The following CAMK2D variants were observed in gnomAD, a reference collection of about 807,000 sequenced individuals.
The protein encoded by CAMK2D is calcium/calmodulin-dependent protein kinase type II subunit delta.
A neutral mutation model predicts 84.0 loss-of-function variants in CAMK2D; 37 were observed. That is an observed-to-expected ratio of 0.44 (90% CI 0.34 to 0.58). The LOEUF (loss-of-function observed/expected upper bound fraction) is 0.58, where lower values mean the gene tolerates loss of function less well. Among genes scored for constraint, CAMK2D ranks in the 20% least tolerant of loss-of-function variants. The probability of loss-of-function intolerance (pLI) is 0.02; values close to 1 mark genes in which losing one functional copy is unlikely to be tolerated. For synonymous variants in CAMK2D, 202 were observed against 212.5 expected (o/e 0.95, Z 0.43); for missense variants, 448 against 652.5 (o/e 0.69, Z 3.41).
intron 2 of CAMK2D, among the ~76,000 whole-genome samples, chr4:113,732,531 T>A (rs1050894651): frequency 7.2e-5 from 11 of 152,204 alleles, no homozygotes; most frequent in African/African-American, 2.7e-4. Context: ...TTAAACAAAT[T>A]TGACTTTAAT....
chr4:113,654,440 T>C (rs2099189681), intron 3 of CAMK2D, among the ~76,000 whole-genome samples: 1 of 152,068 alleles, frequency 6.6e-6, no homozygotes, highest in African/African-American at 2.4e-5. Context: ...ACTGGTTCTA[T>C]ACCAGGGCTA....
At chr4:113,461,199 T>C (rs183123869) in intron 17 of CAMK2D, among the ~76,000 whole-genome samples, 8 of 152,298 alleles carry the variant, frequency 5.3e-5, no homozygotes, top group Admixed American at 4.6e-4. Flanking sequence ...ATCCTAGAAA[T>C]ATGATTCAAT....
chr4:113,549,836 G>GATCAT (rs2098610624), intron 5 of CAMK2D, among the ~76,000 whole-genome samples: 1 of 152,120 alleles, frequency 6.6e-6, no homozygotes, highest in Admixed American at 6.5e-5. Flanking sequence ...TTTAAAAATT[G>GATCAT]ATCATGACTA....
chr4:113,730,992 T>G (rs925945309), intron 2 of CAMK2D, among the ~76,000 whole-genome samples: 9 of 152,336 alleles, frequency 5.9e-5, no homozygotes, highest in Non-Finnish European at 1.2e-4. Context: ...TACTGTGGCA[T>G]CACATATTTC....
intron 5 of CAMK2D, chr4:113,548,764 C>T: frequency 9.9e-7 from 1 of 1,013,608 alleles, no homozygotes; most frequent in South Asian, 1.3e-5. Flanking sequence ...GAAGGGAGAA[C>T]ATTTTAAAGG....
At chr4:113,650,759 A>C (rs2099169459) in intron 3 of CAMK2D, among the ~76,000 whole-genome samples, 1 of 152,198 alleles carries the variant, frequency 6.6e-6, no homozygotes, top group Admixed American at 6.5e-5. Context: ...TGAATATGCA[A>C]AACTGCCTAT....
chr4:113,538,465 G>A (rs1437094546), intron 6 of CAMK2D, among the ~76,000 whole-genome samples: 1 of 152,158 alleles, frequency 6.6e-6, no homozygotes, highest in Non-Finnish European at 1.5e-5. Flanking sequence ...ATGTATATGG[G>A]AGAGTGGTTT....
chr4:113,646,092 C>T (rs12512712), intron 3 of CAMK2D, among the ~76,000 whole-genome samples: 26,955 of 152,078 alleles, frequency 0.18, 2,749 homozygotes, highest in East Asian at 0.29. Flanking sequence ...GTGGGCCAGC[C>T]CAGGGCCATT....
At chr4:113,632,749 A>G (rs1477985074) in intron 3 of CAMK2D, among the ~76,000 whole-genome samples, 1 of 152,192 alleles carries the variant, frequency 6.6e-6, no homozygotes. Flanking sequence ...TTACCCTGTT[A>G]AATCTTGGTT....
intron 2 of CAMK2D, among the ~76,000 whole-genome samples, chr4:113,686,055 T>A (rs2099358849): frequency 1.3e-5 from 2 of 150,298 alleles, no homozygotes; most frequent in South Asian, 4.2e-4. Flanking sequence ...AGAAAGAGAT[T>A]CTGTCTCAAA....
At chr4:113,596,272 G>GT (rs2098925974) in intron 4 of CAMK2D, among the ~76,000 whole-genome samples, 1 of 152,306 alleles carries the variant, frequency 6.6e-6, no homozygotes, top group Non-Finnish European at 1.5e-5. Flanking sequence ...CACATCTGCA[G>GT]TTATATCTTC....
At chr4:113,468,789 A>G (rs2097509700) in intron 16 of CAMK2D, among the ~76,000 whole-genome samples, 1 of 152,170 alleles carries the variant, frequency 6.6e-6, no homozygotes. Flanking sequence ...ATGTGTCCCT[A>G]ATTATACCAC....
chr4:113,689,633 C>T (rs1400557986), intron 2 of CAMK2D, among the ~76,000 whole-genome samples: 1 of 152,086 alleles, frequency 6.6e-6, no homozygotes, highest in Non-Finnish European at 1.5e-5. Flanking sequence ...AAATATTCTC[C>T]CCTTGCTTTT....
At chr4:113,612,299 C>T (rs1477014895) in intron 3 of CAMK2D, among the ~76,000 whole-genome samples, 1 of 152,146 alleles carries the variant, frequency 6.6e-6, no homozygotes, top group East Asian at 1.9e-4. Context: ...TCAAAAGTAT[C>T]CTTCATTTCC....
chr4:113,729,731 C>G (rs1023197566), intron 2 of CAMK2D, among the ~76,000 whole-genome samples: 1 of 151,986 alleles, frequency 6.6e-6, no homozygotes, highest in African/African-American at 2.4e-5. Flanking sequence ...AGAGTTGGGG[C>G]CTTTGGAAGG....
intron 8 of CAMK2D, 73 bp from the exon 9 acceptor site, chr4:113,517,730 A>G: frequency 1.4e-6 from 1 of 736,886 alleles, no homozygotes; most frequent in South Asian, 1.6e-5. Flanking sequence ...CTGATCCACA[A>G]TGATATTAAG....
chr4:113,542,103 A>G (rs1463807557), intron 6 of CAMK2D, among the ~76,000 whole-genome samples: 1 of 152,194 alleles, frequency 6.6e-6, no homozygotes, highest in Non-Finnish European at 1.5e-5. Flanking sequence ...TTACTTCCAC[A>G]TTATCAGCAC....
intron 6 of CAMK2D, among the ~76,000 whole-genome samples, chr4:113,545,123 T>C (rs757621268): frequency 1.3e-5 from 2 of 152,226 alleles, no homozygotes; most frequent in African/African-American, 4.8e-5. Flanking sequence ...TTTTATATTA[T>C]AGATGTACTT....
chr4:113,628,464 T>A (rs1460525122), intron 3 of CAMK2D, among the ~76,000 whole-genome samples: 1 of 152,074 alleles, frequency 6.6e-6, no homozygotes, highest in African/African-American at 2.4e-5. Flanking sequence ...AAATCAGAAG[T>A]CTGGGTGACC....
Sources: allele counts gnomAD v4.1 joint callset (sites outside exome capture counted in the v4.1 genomes callset), GRCh38; gene constraint gnomAD v4.1.1; transcripts MANE v1.5; gene names NCBI Gene and HGNC (gene_info 2026-07-23, HGNC 2026-07-21).